GMEB1: variants seen among roughly 807,000 people sequenced by gnomAD.
GMEB1 encodes glucocorticoid modulatory element-binding protein 1.
In GMEB1, 6 loss-of-function variants were observed where a neutral mutation model predicts 52.4. The observed-to-expected ratio is 0.11, with a 90% CI of 0.06 to 0.23. The LOEUF is 0.23. Among genes scored for constraint, GMEB1 ranks in the 10% least tolerant of loss-of-function variants. The pLI, the probability that GMEB1 is intolerant of heterozygous loss-of-function variation, is 1.00. For missense variants in GMEB1, 486 were observed against 685.6 expected, an observed-to-expected ratio of 0.71 and a Z score of 3.25; for synonymous variants, 255 against 244.9, an observed-to-expected ratio of 1.04 and a Z score of -0.38.
At chr1:28,709,280 C>T (rs900360761) in intron 8 of GMEB1, among the ~76,000 whole-genome samples, 2 of 152,090 alleles carry the variant, frequency 1.3e-5, no homozygotes, top group Admixed American at 6.6e-5. Flanking sequence ...GCACTCCAGC[C>T]TGGGTGACAG....
intron 2 of GMEB1, among the ~76,000 whole-genome samples, chr1:28,687,377 C>A (rs146069917): frequency 0.15 from 2,153 of 14,366 alleles, 413 homozygotes; most frequent in African/African-American, 0.3. Context: ...CACACACACA[C>A]ACACACACAC....
intron 6 of GMEB1, among the ~76,000 whole-genome samples, chr1:28,700,295 A>G (rs1357875091): frequency 6.6e-6 from 1 of 151,694 alleles, no homozygotes; most frequent in Non-Finnish European, 1.5e-5. Context: ...GGCAGATCAC[A>G]AGGTCAGGAG....
In GMEB1 at chr1:28,687,381, C is replaced by CAAAAA. The variant is rs1157094477; in HGVS notation, c.129-2722_129-2721insAAAAA. ...ACACACACACACACACACACACACA[C>CAAAAA]ACACACAAAAAAAGACAGTGGAGAA... On this transcript the variant is annotated intron_variant, in intron 2 of 9. Coordinates refer to ENST00000373816, the MANE Select transcript of GMEB1 (RefSeq NM_001319674.2). Among the ~76,000 whole-genome samples the CAAAAA allele has an allele frequency of 1.2e-3, 32 of 27,162 alleles. 4 individuals are homozygous for CAAAAA. Among genetic ancestry groups the CAAAAA allele is most frequent in the Non-Finnish European group, 1.5e-3 (21 of 14,140 alleles). 17.8% of individuals were successfully genotyped at this position (27,162 alleles called of 152,430 possible). A position where few individuals can be genotyped will look rare whatever the true frequency, so the allele number is the denominator to read the frequency against.
intron 1 of GMEB1, 62 bp downstream of exon 1, chr1:28,668,901 CG>C: frequency 7.1e-6 from 1 of 140,076 alleles, no homozygotes; most frequent in Non-Finnish European, 1.6e-5. Flanking sequence ...GGGGCGGGCG[CG>C]GGGGCCGCGC....
intron 1 of GMEB1, among the ~76,000 whole-genome samples, chr1:28,669,594 G>A (rs1156597528): frequency 6.6e-6 from 1 of 152,032 alleles, no homozygotes; most frequent in Admixed American, 6.6e-5. Context: ...AAGTGAGCAG[G>A]CCCAGGTCTC....
At chr1:28,672,533 A>G (rs1668942584) in intron 1 of GMEB1, among the ~76,000 whole-genome samples, 1 of 151,430 alleles carries the variant, frequency 6.6e-6, no homozygotes, top group South Asian at 2.1e-4. Context: ...TACTTTTTTA[A>G]GTCCCCAGAA....
intron 7 of GMEB1, 52 bp downstream of exon 7, chr1:28,702,621 C>T (rs777931427): frequency 5.8e-6 from 9 of 1,543,740 alleles, no homozygotes; most frequent in Non-Finnish European, 8.0e-6. Flanking sequence ...AGCCTTATCA[C>T]CATTATCATT....
chr1:28,672,366 C>T (rs1205041207), intron 1 of GMEB1, among the ~76,000 whole-genome samples: 1 of 150,162 alleles, frequency 6.7e-6, no homozygotes, highest in Non-Finnish European at 1.5e-5. Flanking sequence ...ACTACTCTCC[C>T]GCCACCACTC....
intron 1 of GMEB1, among the ~76,000 whole-genome samples, chr1:28,670,387 G>A (rs1167900645): frequency 2.0e-5 from 3 of 149,978 alleles, no homozygotes; most frequent in Non-Finnish European, 4.4e-5. Flanking sequence ...GAGTGCAATG[G>A]CGCGATCTCA....
upstream of GMEB1, among the ~76,000 whole-genome samples, chr1:28,668,316 G>T (rs1668695811): frequency 6.6e-6 from 1 of 151,142 alleles, no homozygotes. Context: ...GTCAGACAAT[G>T]CTTAGGGCTT....
intron 9 of GMEB1, 128 bp downstream of exon 9, chr1:28,710,770 A>T (rs1671021656): frequency 1.0e-5 from 4 of 390,828 alleles, no homozygotes; most frequent in Non-Finnish European, 1.6e-5. Flanking sequence ...TTTTAAAAAT[A>T]AAAAAAAAAG....
chr1:28,718,967 T>C lies in GMEB1; in HGVS notation c.*4194T>C, dbSNP rs1372940158. The C allele has an allele frequency of 6.6e-6, 1 of 152,212 alleles. No individual in the cohort carries two copies. Among genetic ancestry groups the C allele is most frequent in the Non-Finnish European group, 1.5e-5 (1 of 68,038 alleles). The allele number at this position is 152,212 out of a possible 1,614,324, so 9.4% of individuals were successfully genotyped here. A position where few individuals can be genotyped will look rare whatever the true frequency, so the allele number is the denominator to read the frequency against. On this transcript the variant is annotated 3_prime_UTR_variant, in exon 10 of 10. Transcript: ENST00000373816. The stretch of plus-strand genomic sequence containing the variant: ...CTACTTGATTTTCAAGTAATTGGGC[T>C]TATTTATTCTAGAGAAAAAGTCTTC...
chr1:28,687,387 C>CAAAAA (rs1242840628), intron 2 of GMEB1, among the ~76,000 whole-genome samples: 2 of 41,130 alleles, frequency 4.9e-5, no homozygotes, highest in African/African-American at 1.9e-4. Context: ...CACACACACA[C>CAAAAA]AAAAAAAGAC....
At chr1:28,695,598 T>A (rs927813336) in intron 5 of GMEB1, among the ~76,000 whole-genome samples, 7 of 151,940 alleles carry the variant, frequency 4.6e-5, no homozygotes, top group South Asian at 2.1e-4. Flanking sequence ...ATTTAAAAAA[T>A]TTTTAAATTA....
In GMEB1 at chr1:28,690,203, G is replaced by GGTTTTT. The variant is rs879212606; in HGVS notation, c.211+17_211+18insGTTTTT. 1.4e-4 allele frequency: 71 copies of GGTTTTT among 516,100 alleles called. 1 individual carries two copies. Among genetic ancestry groups the GGTTTTT allele is most frequent in the Middle Eastern group, 3.8e-4 (1 of 2,666 alleles). 32.0% of individuals were successfully genotyped at this position (516,100 alleles called of 1,614,324 possible). On this transcript the variant is annotated intron_variant, in intron 3 of 9. Transcript: ENST00000373816. ...AAGGGATTGGTAAGGGTTTTTTTGT[G>GGTTTTT]TTTTTTTTTTTTTTTTTTTTTGTCA...
At chr1:28,676,205 T>C (rs567072927) in intron 1 of GMEB1, among the ~76,000 whole-genome samples, 1 of 152,266 alleles carries the variant, frequency 6.6e-6, no homozygotes, top group East Asian at 1.9e-4. Flanking sequence ...TAGCTTAGGG[T>C]AGAAAGTTGA....
intron 1 of GMEB1, among the ~76,000 whole-genome samples, chr1:28,674,307 CT>C (rs1669040065): frequency 6.6e-6 from 1 of 152,096 alleles, no homozygotes; most frequent in Non-Finnish European, 1.5e-5. Context: ...GTACTCCACA[CT>C]GGTCTGGGTG....
In GMEB1 at chr1:28,717,185, G is replaced by GTTTTTTTTTTTTTTTTTTTTTT. The variant is rs71027293; in HGVS notation, c.*2428_*2429insTTTTTTTTTTTTTTTTTTTTTT. Reference sequence around the variant, plus strand: ...AACCCTGTAACATGGTAAGGTTGCTGTTTTTTTTTTTTTTTTCTTTTTGAG... The same window carrying GTTTTTTTTTTTTTTTTTTTTTT: ...AACCCTGTAACATGGTAAGGTTGCTGTTTTTTTTTTTTTTTTTTTTTTTTTTTTTTTTTTTTTTCTTTTTGAG... On this transcript the variant is annotated 3_prime_UTR_variant, in exon 10 of 10. Transcript: ENST00000373816. The GTTTTTTTTTTTTTTTTTTTTTT allele has an allele frequency of 2.2e-5, 3 of 139,212 alleles. No individual in the cohort carries two copies. Among genetic ancestry groups the GTTTTTTTTTTTTTTTTTTTTTT allele is most frequent in the African/African-American group, 2.6e-5 (1 of 37,792 alleles). 8.6% of individuals were successfully genotyped at this position (139,212 alleles called of 1,614,324 possible).
At chr1:28,668,531 T>G (rs1668708244), upstream of GMEB1, among the ~76,000 whole-genome samples, 1 of 152,092 alleles carries the variant, frequency 6.6e-6, no homozygotes, top group African/African-American at 2.4e-5. Context: ...ATTTAGGGCC[T>G]ATTTTCCTCA....
Sources: allele counts gnomAD v4.1 joint callset (sites outside exome capture counted in the v4.1 genomes callset), GRCh38; gene constraint gnomAD v4.1.1; transcripts MANE v1.5; gene names NCBI Gene and HGNC (gene_info 2026-07-23, HGNC 2026-07-21).